HLCS: variants seen among roughly 807,000 people sequenced by gnomAD.
HLCS encodes biotin--protein ligase.
A neutral mutation model predicts 75.0 loss-of-function variants in HLCS; 53 were observed. The ratio of observed to expected loss-of-function variants is 0.71; its 90% confidence interval spans 0.57 to 0.89. The LOEUF is 0.89. Among genes scored for constraint, HLCS ranks in the 40% least tolerant of loss-of-function variants. The probability of loss-of-function intolerance (pLI) is 0.00; values close to 1 mark genes in which losing one functional copy is unlikely to be tolerated. For missense variants in HLCS, 966 were observed against 1,074.0 expected (o/e 0.90, Z 1.41); for synonymous variants, 431 against 428.6 (o/e 1.01, Z -0.07).
intron 6 of HLCS, among the ~76,000 whole-genome samples, chr21:36,834,748 G>T (rs540031898): frequency 1.1e-4 from 17 of 152,246 alleles, no homozygotes; most frequent in African/African-American, 4.1e-4. Context: ...TAGAGATGGG[G>T]TTTCACCATG....
chr21:36,979,517 C>T (rs2069048534), intron 1 of HLCS, among the ~76,000 whole-genome samples: 1 of 152,124 alleles, frequency 6.6e-6, no homozygotes, highest in African/African-American at 2.4e-5. Context: ...CTGCCATGCC[C>T]CTCTGTTGAT....
chr21:36,830,177 A>T (rs1481022740), intron 6 of HLCS, among the ~76,000 whole-genome samples: 1 of 152,116 alleles, frequency 6.6e-6, no homozygotes, highest in Admixed American at 6.5e-5. Flanking sequence ...AGGGGCCCGG[A>T]ACAGAGCCTC....
intron 6 of HLCS, among the ~76,000 whole-genome samples, chr21:36,846,812 C>T (rs1242814993): frequency 6.6e-6 from 1 of 152,120 alleles, no homozygotes; most frequent in East Asian, 1.9e-4. Flanking sequence ...AATCTGAAGG[C>T]AAACAGCTCA....
At chr21:36,850,689 C>T (rs1032640689) in intron 6 of HLCS, among the ~76,000 whole-genome samples, 7 of 152,178 alleles carry the variant, frequency 4.6e-5, no homozygotes, top group Non-Finnish European at 1.0e-4. Context: ...GGACCGTAGC[C>T]ACCTCTTAAG....
intron 6 of HLCS, among the ~76,000 whole-genome samples, chr21:36,888,448 ATATATATATATATATATATATAT>A (rs1569149616): frequency 0.041 from 1,084 of 26,498 alleles, 82 homozygotes; most frequent in South Asian, 0.19. Context: ...AAAAAAAAAT[ATATATATATATATATATATATAT>A]ATATATATAT....
chr21:36,853,023 A>G (rs566392160), intron 6 of HLCS, among the ~76,000 whole-genome samples: 36 of 152,352 alleles, frequency 2.4e-4, no homozygotes, highest in Non-Finnish European at 4.4e-4. Context: ...TGCAAGTATA[A>G]CTTTTTGCCA....
chr21:36,876,226 G>A (rs770132875), intron 6 of HLCS, among the ~76,000 whole-genome samples: 43 of 152,158 alleles, frequency 2.8e-4, no homozygotes, highest in Non-Finnish European at 6.0e-4. Flanking sequence ...AGGGCTGAAT[G>A]AGCCCAGCAG....
chr21:36,779,235 G>A (rs1453894264), intron 6 of HLCS, among the ~76,000 whole-genome samples: 1 of 152,056 alleles, frequency 6.6e-6, no homozygotes, highest in Non-Finnish European at 1.5e-5. Context: ...GTAGACCCCT[G>A]CAGTTCATAC....
chr21:36,945,111 C>T (rs373687369), intron 2 of HLCS, among the ~76,000 whole-genome samples: 81 of 152,110 alleles, frequency 5.3e-4, no homozygotes, highest in Middle Eastern at 6.8e-3. Context: ...CAGAGCGAGA[C>T]TCTATCTCAA....
At chr21:36,917,864 G>C (rs1422219708) in intron 5 of HLCS, among the ~76,000 whole-genome samples, 1 of 151,306 alleles carries the variant, frequency 6.6e-6, no homozygotes, top group Non-Finnish European at 1.5e-5. Context: ...AGCTGGAGGT[G>C]ACTGGGGAAG....
intron 5 of HLCS, among the ~76,000 whole-genome samples, chr21:36,922,475 C>T (rs567415343): frequency 6.6e-5 from 10 of 152,298 alleles, no homozygotes; most frequent in East Asian, 3.9e-4. Context: ...TGGCCAAACT[C>T]GGCATGCTGT....
chr21:36,953,548 C>T (rs1378071191), intron 2 of HLCS, among the ~76,000 whole-genome samples: 2 of 152,194 alleles, frequency 1.3e-5, no homozygotes, highest in Non-Finnish European at 2.9e-5. Flanking sequence ...CACTGTTATA[C>T]AACTTAGCCT....
At chr21:36,831,893 A>C (rs1453899483) in intron 6 of HLCS, among the ~76,000 whole-genome samples, 2 of 152,172 alleles carry the variant, frequency 1.3e-5, no homozygotes, top group Admixed American at 1.3e-4. Flanking sequence ...ATTTCGCTAG[A>C]AATGCTCCCT....
At chr21:36,904,432 T>C (rs1373591163) in intron 5 of HLCS, among the ~76,000 whole-genome samples, 1 of 152,222 alleles carries the variant, frequency 6.6e-6, no homozygotes, top group Admixed American at 6.5e-5. Flanking sequence ...TTTTTTCTTA[T>C]ACTTATTTTA....
intron 8 of HLCS, among the ~76,000 whole-genome samples, chr21:36,760,240 T>C (rs1161246422): frequency 1.3e-5 from 2 of 152,152 alleles, no homozygotes; most frequent in African/African-American, 4.8e-5. Context: ...GGCGTCTCCC[T>C]TCAGGAACCC....
intron 6 of HLCS, among the ~76,000 whole-genome samples, chr21:36,846,926 G>T (rs73385256): frequency 4.7e-4 from 72 of 152,250 alleles, no homozygotes; most frequent in African/African-American, 1.7e-3. Context: ...CTTCTTCCAG[G>T]ATGCAAGGGG....
upstream of HLCS, chr21:36,968,718 A>G (rs2068707394): frequency 6.6e-6 from 1 of 152,198 alleles, no homozygotes; most frequent in Non-Finnish European, 1.5e-5. Flanking sequence ...ACAGTGATAA[A>G]TCCTAAATGT....
At chr21:36,760,400 G>A (rs2089785754) in intron 8 of HLCS, among the ~76,000 whole-genome samples, 2 of 152,096 alleles carry the variant, frequency 1.3e-5, no homozygotes, top group African/African-American at 4.8e-5. Context: ...CACAAGGTCA[G>A]GAGTTCGAGA....
At chr21:36,861,169 A>G (rs1463215455) in intron 6 of HLCS, among the ~76,000 whole-genome samples, 4 of 152,116 alleles carry the variant, frequency 2.6e-5, no homozygotes, top group African/African-American at 9.7e-5. Context: ...CCTACCTTTT[A>G]GCACAGGCGG....
Sources: gnomAD v4.1 joint callset for allele counts (sites outside exome capture counted in the v4.1 genomes callset) on GRCh38, gnomAD v4.1.1 for gene constraint, MANE v1.5 for transcripts, NCBI Gene and HGNC (gene_info 2026-07-23, HGNC 2026-07-21) for gene names.